HIPK2: variants seen among roughly 807,000 people sequenced by gnomAD.
HIPK2 encodes the protein homeodomain interacting protein kinase 2.
In HIPK2, 27 loss-of-function variants were observed where a neutral mutation model predicts 113.7. The observed-to-expected ratio is 0.24, with a 90% confidence interval of 0.17 to 0.33. The LOEUF is 0.33. HIPK2 is among the 10% of genes least tolerant of loss of function. The pLI is 1.00. For missense variants in HIPK2, 1,257 were observed against 1,588.0 expected, an observed-to-expected ratio of 0.79 and a Z score of 3.54; for synonymous variants, 631 against 642.2, an observed-to-expected ratio of 0.98 and a Z score of 0.26.
chr7:139,660,561 G>A (rs1391816512), intron 2 of HIPK2, among the ~76,000 whole-genome samples: 1 of 152,230 alleles, frequency 6.6e-6, no homozygotes, highest in East Asian at 1.9e-4. Context: ...CGGTTGGGCT[G>A]TTATTGCCAT....
intron 2 of HIPK2, among the ~76,000 whole-genome samples, chr7:139,703,951 A>C (rs1794795465): frequency 8.1e-4 from 2 of 2,456 alleles, no homozygotes; most frequent in African/African-American, 3.2e-3. Flanking sequence ...TATCCAACAT[A>C]CACACCCCCA....
At chr7:139,620,262 C>T (rs1585286712) in intron 7 of HIPK2, 139 bp downstream of exon 7, 1 of 1,254,474 alleles carries the variant, frequency 8.0e-7, no homozygotes, top group Non-Finnish European at 1.1e-6. Flanking sequence ...AAGGAAATAA[C>T]CTTGGATGCA....
intron 5 of HIPK2, 119 bp from the exon 6 acceptor site, chr7:139,626,904 C>T (rs1800452385): frequency 1.8e-6 from 2 of 1,128,950 alleles, no homozygotes; most frequent in East Asian, 2.4e-5. Context: ...TTTCTCAGTT[C>T]CCAGGAACTC....
intron 10 of HIPK2, among the ~76,000 whole-genome samples, chr7:139,603,464 G>A (rs1004079400): frequency 6.6e-6 from 1 of 152,144 alleles, no homozygotes; most frequent in African/African-American, 2.4e-5. Context: ...CAGATGCAGG[G>A]GGTATGCTGT....
In HIPK2 at chr7:139,724,526, T is replaced by C. The variant is rs568534526; in HGVS notation, c.20-7511A>G. ...AGGATCAACCACAAGCTCTACAGAATTCTTTTTTTTTATTATTATTATACT... is the reference window on the plus strand; with the variant it reads ...AGGATCAACCACAAGCTCTACAGAACTCTTTTTTTTTATTATTATTATACT... On this transcript the variant is annotated intron_variant, in intron 1 of 14. Coordinates refer to ENST00000406875, the MANE Select transcript of HIPK2 (RefSeq NM_022740.5). Among the ~76,000 whole-genome samples, 4 of 152,258 alleles carry C rather than the reference T, an allele frequency of 2.6e-5. No homozygotes were observed. The East Asian group carries it at 7.7e-4, about 29-fold the overall frequency.
chr7:139,709,057 C>T lies in HIPK2; in HGVS notation c.1103+6875G>A, dbSNP rs144608405. ...TTTAATTGCAAAGTATTTTACCATACAGCTGAAGGTCCCAGAGATGAATAA... is the reference window on the plus strand; with the variant it reads ...TTTAATTGCAAAGTATTTTACCATATAGCTGAAGGTCCCAGAGATGAATAA... On this transcript the variant is annotated intron_variant, in intron 2 of 14. Coordinates refer to ENST00000406875, the MANE Select transcript of HIPK2 (RefSeq NM_022740.5). 2.1e-3 allele frequency among the ~76,000 whole-genome samples: 324 copies of T among 152,270 alleles called. 2 individuals are homozygous for T. Among genetic ancestry groups the T allele is most frequent in the African/African-American group, 7.3e-3 (305 of 41,550 alleles).
rs542822650 is a variant in HIPK2 at position 139,678,924 on chromosome 7, T to C, written c.1103+37008A>G. Reference sequence around the variant, plus strand: ...AGGTATTTTATTCTCTTTATAGCAATTGTGACTGGGAGTTCACTCATGATT... The same window carrying C: ...AGGTATTTTATTCTCTTTATAGCAACTGTGACTGGGAGTTCACTCATGATT... On this transcript the variant is annotated intron_variant, in intron 2 of 14. Transcript: ENST00000406875. Among the ~76,000 whole-genome samples the C allele has an allele frequency of 2.0e-5, 3 of 152,330 alleles. No homozygotes were observed. In the South Asian group the frequency reaches 6.2e-4, roughly 32 times the overall value.
At chr7:139,756,405 T>TTAA (rs1796363638) in intron 1 of HIPK2, among the ~76,000 whole-genome samples, 3 of 152,230 alleles carry the variant, frequency 2.0e-5, no homozygotes, top group Non-Finnish European at 4.4e-5. Context: ...ATTACTAGAC[T>TTAA]TTATTTAGTT....
chr7:139,715,143 T>C lies in HIPK2; in HGVS notation c.1103+789A>G, dbSNP rs141752486. 1.9e-3 allele frequency among the ~76,000 whole-genome samples: 282 copies of C among 152,304 alleles called. 1 individual carries two copies. The highest frequency in any genetic ancestry group is 3.2e-3 in the Non-Finnish European group (217 of 68,014). ...ATACCCCAGGATGGCAAGGGCCCTGTCTATATCCCTATACCTAGCACTGCG... is the reference window on the plus strand; with the variant it reads ...ATACCCCAGGATGGCAAGGGCCCTGCCTATATCCCTATACCTAGCACTGCG... On this transcript the variant is annotated intron_variant, in intron 2 of 14. Transcript: ENST00000406875.
intron 2 of HIPK2, among the ~76,000 whole-genome samples, chr7:139,705,778 A>G (rs1794874692): frequency 6.6e-6 from 1 of 151,958 alleles, no homozygotes; most frequent in Non-Finnish European, 1.5e-5. Flanking sequence ...TCTGTCTGCC[A>G]GATGATAGTA....
intron 1 of HIPK2, among the ~76,000 whole-genome samples, chr7:139,741,103 C>T (rs183945179): frequency 5.5e-4 from 84 of 152,194 alleles, no homozygotes; most frequent in Admixed American, 1.6e-3. Flanking sequence ...GCTGAGATCG[C>T]GCCACTGCAC....
At chr7:139,740,358 T>C (rs899281149) in intron 1 of HIPK2, among the ~76,000 whole-genome samples, 1 of 152,224 alleles carries the variant, frequency 6.6e-6, no homozygotes, top group Non-Finnish European at 1.5e-5. Context: ...GCACCTGGCA[T>C]GGCAGACGAG....
chr7:139,709,477 G>C (rs1795000812), intron 2 of HIPK2, among the ~76,000 whole-genome samples: 1 of 152,146 alleles, frequency 6.6e-6, no homozygotes, highest in South Asian at 2.1e-4. Flanking sequence ...TTCCAGCCCA[G>C]AGCATGGCAT....
intron 2 of HIPK2, among the ~76,000 whole-genome samples, chr7:139,692,011 T>C (rs1247630327): frequency 1.3e-5 from 2 of 152,170 alleles, no homozygotes; most frequent in African/African-American, 4.8e-5. Flanking sequence ...AGATGATTTC[T>C]ACGCATTCAT....
At chr7:139,597,102 A>C (rs1379304771) in intron 11 of HIPK2, 104 bp from the exon 12 acceptor site, 2 of 1,271,480 alleles carry the variant, frequency 1.6e-6, no homozygotes, top group Non-Finnish European at 2.2e-6. Flanking sequence ...AAATCTCTGT[A>C]AAACACGTCA....
rs866452168 is a variant in HIPK2, at chr7:139,631,461, G to C, written c.1227+141C>G. The C allele has an allele frequency of 2.1e-6, 3 of 1,432,390 alleles. No homozygotes were observed. The highest frequency in any genetic ancestry group is 2.8e-6 in the Non-Finnish European group (3 of 1,079,520). The allele number at this position is 1,432,390 out of a possible 1,614,324, so 88.7% of individuals were successfully genotyped here. ...GAAAGGAATAAAGAAAAAATAGCAA[G>C]GTTAAGGGAAGCAAGGTTTGGGAGA... On this transcript the variant is annotated intron_variant, in intron 3 of 14. Transcript: ENST00000406875. This position sits in a 1 kb window ranked among gnomAD's most constrained non-coding sequence, Gnocchi z 4.9.
chr7:139,596,617 G>A (rs989557047), intron 12 of HIPK2, 100 bp downstream of exon 12: 106 of 1,479,812 alleles, frequency 7.2e-5, no homozygotes, highest in Non-Finnish European at 9.2e-5. Context: ...AGGGTCAGAA[G>A]AGAGGGATCC....
chr7:139,651,139 C>A (rs540196649), intron 2 of HIPK2, among the ~76,000 whole-genome samples: 2 of 152,162 alleles, frequency 1.3e-5, no homozygotes, highest in East Asian at 1.9e-4. Flanking sequence ...CCCCCTGATA[C>A]CCAACACATC....
chr7:139,759,005 A>G (rs566590025), intron 1 of HIPK2, among the ~76,000 whole-genome samples: 3 of 152,274 alleles, frequency 2.0e-5, no homozygotes, highest in African/African-American at 7.2e-5. Context: ...AACCACCACC[A>G]CTAAGTAAAC....
Sources: gnomAD v4.1 joint callset for allele counts (sites outside exome capture counted in the v4.1 genomes callset) on GRCh38, gnomAD v4.1.1 for gene constraint, Gnocchi (gnomAD v3.1) non-coding constraint, MANE v1.5 for transcripts, NCBI Gene and HGNC (gene_info 2026-07-23, HGNC 2026-07-21) for gene names.